Variants in PRKCQ observed in about 807,000 individuals in gnomAD.
PRKCQ encodes the protein protein kinase C theta type.
Under a neutral mutation model 91.2 loss-of-function variants are expected in PRKCQ, and 41 were observed. The observed-to-expected ratio is 0.45, with a 90% CI of 0.35 to 0.58. The LOEUF (loss-of-function observed/expected upper bound fraction) is 0.58. Among genes scored for constraint, PRKCQ ranks in the 20% least tolerant of loss-of-function variants. The probability of loss-of-function intolerance (pLI) is 0.00; values close to 1 mark genes in which losing one functional copy is unlikely to be tolerated. For missense variants in PRKCQ, 673 were observed against 896.5 expected (o/e 0.75, Z 3.18); for synonymous variants, 307 against 316.9 (o/e 0.97, Z 0.33).
At chr10:6,474,918 G>A (rs17156356) in intron 12 of PRKCQ, among the ~76,000 whole-genome samples, 2,435 of 152,184 alleles carry the variant, frequency 0.016, 61 homozygotes, top group East Asian at 0.068. Context: ...AGAAGGGATC[G>A]TGCAATTTCA....
At position 6,427,928 on chromosome 10, in the gene PRKCQ, G is replaced by A. The variant is rs1564284935; in HGVS notation, c.*279C>T. 1 of 393,188 alleles carries A rather than the reference G, an allele frequency of 2.5e-6. No individual in the cohort carries two copies. The highest frequency in any genetic ancestry group is 4.7e-6 in the Non-Finnish European group (1 of 214,254). The allele number at this position is 393,188 out of a possible 1,614,324, so 24.4% of individuals were successfully genotyped here. A position where few individuals can be genotyped will look rare whatever the true frequency, so the allele number is the denominator to read the frequency against. On this transcript the variant is annotated 3_prime_UTR_variant, in exon 18 of 18. Transcript: ENST00000263125. Reference sequence around the variant, plus strand: ...ATCAAGTCTTGAAACCTTTCCAAGTGCGGAGACCCATCTTTCAAGTAAATA... The same window carrying A: ...ATCAAGTCTTGAAACCTTTCCAAGTACGGAGACCCATCTTTCAAGTAAATA...
chr10:6,517,562 A>G (rs1320464020), intron 1 of PRKCQ, among the ~76,000 whole-genome samples: 1 of 143,676 alleles, frequency 7.0e-6, no homozygotes, highest in Non-Finnish European at 1.5e-5. Flanking sequence ...TACATGCCAG[A>G]AAAAAATGCA....
At chr10:6,453,461 C>T (rs923176229) in intron 15 of PRKCQ, among the ~76,000 whole-genome samples, 18 of 152,316 alleles carry the variant, frequency 1.2e-4, no homozygotes, top group African/African-American at 4.1e-4. Flanking sequence ...AACACTTTTA[C>T]ACTGTTGGTG....
chr10:6,468,747 AC>A (rs1340150710), intron 12 of PRKCQ, among the ~76,000 whole-genome samples: 2 of 152,250 alleles, frequency 1.3e-5, no homozygotes, highest in Non-Finnish European at 1.5e-5. Context: ...AATATTTATG[AC>A]AAAACATCTA....
At chr10:6,541,218 C>T (rs553971700) in intron 1 of PRKCQ, among the ~76,000 whole-genome samples, 2 of 152,342 alleles carry the variant, frequency 1.3e-5, no homozygotes, top group East Asian at 3.9e-4. Flanking sequence ...ATTTCCCCAC[C>T]TGGCCCTGGA....
rs1389835974 is a variant in PRKCQ, at chr10:6,430,849, A to G, written c.1926T>C (p.Leu642=). The change falls in exon 17 of 18, where the codon CTT becomes CTC. Residue 642 remains leucine, a synonymous_variant. Transcript: ENST00000263125. The surrounding 1 kb of genome is among the most constrained non-coding windows in gnomAD (Gnocchi z 4.7). ...ACGGTGGGTCAATCTCCTTCCGTTC[A>G]AGTTCCTCCCAGTTGATCTCCCGAA... ...PLFREINWEE[L]ERKEIDPPFR... 1 of 1,614,014 alleles carries G rather than the reference A, an allele frequency of 6.2e-7. No homozygotes were observed. Among genetic ancestry groups the G allele is most frequent in the East Asian group, 2.2e-5 (1 of 44,880 alleles).
At chr10:6,450,626 A>G (rs552455892) in intron 15 of PRKCQ, among the ~76,000 whole-genome samples, 4 of 152,330 alleles carry the variant, frequency 2.6e-5, no homozygotes, top group Admixed American at 2.0e-4. Context: ...AACAGAATAT[A>G]CATTTTTTTC....
At chr10:6,572,518 G>T (rs999769159) in intron 1 of PRKCQ, among the ~76,000 whole-genome samples, 1 of 152,186 alleles carries the variant, frequency 6.6e-6, no homozygotes, top group African/African-American at 2.4e-5. Context: ...GTTTGCTGAG[G>T]ATGATGGCTT....
chr10:6,479,884 G>A (rs958316229), intron 11 of PRKCQ, among the ~76,000 whole-genome samples: 8 of 151,808 alleles, frequency 5.3e-5, no homozygotes, highest in Non-Finnish European at 8.8e-5. Context: ...CCTGGGAGGC[G>A]GAGGTTGTGG....
chr10:6,569,962 G>A (rs563318535), intron 1 of PRKCQ, among the ~76,000 whole-genome samples: 9 of 152,218 alleles, frequency 5.9e-5, no homozygotes, highest in African/African-American at 2.2e-4. Context: ...AGGCTGATGA[G>A]GGAAGAGGAT....
chr10:6,499,754 G>A (rs1837802523), intron 4 of PRKCQ, among the ~76,000 whole-genome samples: 1 of 152,110 alleles, frequency 6.6e-6, no homozygotes, highest in Non-Finnish European at 1.5e-5. Context: ...TTCTTCTATT[G>A]TGGCTAAGCA....
intron 4 of PRKCQ, among the ~76,000 whole-genome samples, chr10:6,506,175 T>C (rs1004575111): frequency 6.6e-6 from 1 of 152,236 alleles, no homozygotes; most frequent in African/African-American, 2.4e-5. Flanking sequence ...ATAAATAAAA[T>C]TTCAGAGTAC....
chr10:6,442,806 A>G (rs1834045544), intron 15 of PRKCQ, among the ~76,000 whole-genome samples: 2 of 152,200 alleles, frequency 1.3e-5, no homozygotes, highest in South Asian at 4.1e-4. Context: ...TACTAAAACT[A>G]CAAAAATTAA....
rs1837321609 is a variant in PRKCQ, at chr10:6,491,830, G to A, written c.661-18C>T. 1.2e-6 allele frequency: 2 copies of A among 1,614,004 alleles called. No homozygotes were observed. The highest frequency in any genetic ancestry group is 2.7e-5 in the African/African-American group (2 of 74,916). ...TTGTGGAACTGAAAGAAAGGCAGAA[G>A]GTGAAATCTGTGTATTCCTGGGGCC... On this transcript the variant is annotated intron_variant, in intron 7 of 17. Transcript: ENST00000263125.
chr10:6,518,705 C>A (rs1478372681), intron 1 of PRKCQ, among the ~76,000 whole-genome samples: 3 of 152,042 alleles, frequency 2.0e-5, no homozygotes, highest in African/African-American at 7.2e-5. Flanking sequence ...CCTGTAATCC[C>A]AGCGACTCTG....
At chr10:6,415,947 A>T in the PRKCQ span, among the ~76,000 whole-genome samples, 1 of 151,874 alleles carries the variant, frequency 6.6e-6, no homozygotes, top group South Asian at 2.1e-4. Flanking sequence ...GGGTTTCACT[A>T]TATTGGCCAG....
intron 1 of PRKCQ, among the ~76,000 whole-genome samples, chr10:6,573,868 G>A (rs1008358630): frequency 6.6e-6 from 1 of 152,228 alleles, no homozygotes; most frequent in Non-Finnish European, 1.5e-5. Context: ...TTTAATCTCA[G>A]CACTCTGGGA....
chr10:6,461,405 A>T (rs509907), intron 14 of PRKCQ, among the ~76,000 whole-genome samples: 150,789 of 152,392 alleles, frequency 0.99, 74,613 homozygotes, highest in East Asian at 1. Context: ...TAAGAGTTTT[A>T]AAATAATATT....
chr10:6,571,718 T>C (rs972849395), intron 1 of PRKCQ, among the ~76,000 whole-genome samples: 1 of 152,070 alleles, frequency 6.6e-6, no homozygotes, highest in African/African-American at 2.4e-5. Flanking sequence ...ACACAATAAT[T>C]GCTTGAGCCT....
Sources: gnomAD v4.1 joint callset for allele counts (sites outside exome capture counted in the v4.1 genomes callset) on GRCh38, gnomAD v4.1.1 for gene constraint, Gnocchi (gnomAD v3.1) non-coding constraint, MANE v1.5 for transcripts, NCBI Gene and HGNC (gene_info 2026-07-23, HGNC 2026-07-21) for gene names.